VAT1L: variants seen among roughly 807,000 people sequenced by gnomAD.
VAT1L encodes the protein putative NADPH-dependent quinone oxidoreductase VAT1L.
A neutral mutation model predicts 44.1 loss-of-function variants in VAT1L; 34 were observed. The observed-to-expected ratio is 0.77, with a 90% confidence interval of 0.59 to 1.03. VAT1L has a LOEUF of 1.03. Ranked by LOEUF, VAT1L falls within the 50% of genes least tolerant of loss-of-function variation. VAT1L has a pLI of 0.00. For missense variants in VAT1L, 615 were observed against 538.8 expected (o/e 1.14, Z -1.40); for synonymous variants, 253 against 202.2 (o/e 1.25, Z -2.13).
At chr16:77,820,999 G>A (rs2016443637) in intron 2 of VAT1L, among the ~76,000 whole-genome samples, 1 of 152,094 alleles carries the variant, frequency 6.6e-6, no homozygotes, top group African/African-American at 2.4e-5. Flanking sequence ...TTTCCTATGA[G>A]ACTACTGAAA....
In VAT1L at chr16:77,816,842, G is replaced by A. The variant is rs561930098; in HGVS notation, c.234-79G>A. ...GAGGGAGGAAAGGAGGAAAAGAAAA[G>A]AAAGAAAAGAAAACCAGGTCGGTGC... On this transcript the variant is annotated intron_variant, in intron 1 of 8. Coordinates refer to ENST00000302536, the MANE Select transcript of VAT1L (RefSeq NM_020927.3). 204 of 1,476,658 alleles carry A rather than the reference G, an allele frequency of 1.4e-4. 2 individuals carry two copies. The South Asian group carries it at 2.6e-3, about 19-fold the overall frequency. 91.5% of individuals were successfully genotyped at this position (1,476,658 alleles called of 1,614,324 possible).
chr16:77,939,175 T>C (rs1183137750), intron 7 of VAT1L, among the ~76,000 whole-genome samples: 1 of 152,190 alleles, frequency 6.6e-6, no homozygotes, highest in Non-Finnish European at 1.5e-5. Flanking sequence ...CTCTCCAGGC[T>C]AACTCTGGGA....
At chr16:77,969,283 T>C (rs2018254841) in intron 7 of VAT1L, among the ~76,000 whole-genome samples, 1 of 152,178 alleles carries the variant, frequency 6.6e-6, no homozygotes, top group Admixed American at 6.5e-5. Context: ...TCTCTGGGGA[T>C]GCAGCCCAGC....
chr16:77,823,744 T>A (rs1457560515), intron 2 of VAT1L, among the ~76,000 whole-genome samples: 2 of 152,176 alleles, frequency 1.3e-5, no homozygotes, highest in Non-Finnish European at 2.9e-5. Context: ...CTCAGCTGGG[T>A]ACAGTGGCTC....
chr16:77,872,767 G>T (rs1222686178), intron 4 of VAT1L, among the ~76,000 whole-genome samples: 1 of 152,216 alleles, frequency 6.6e-6, no homozygotes, highest in African/African-American at 2.4e-5. Context: ...TTCATTTATA[G>T]ATGTCTGTCC....
At position 77,892,062 on chromosome 16, in the gene VAT1L, A is replaced by ACTCC. The variant is rs2017272271; in HGVS notation, c.1077+7261_1077+7264dup. On this transcript the variant is annotated intron_variant, in intron 7 of 8. Coordinates refer to ENST00000302536, the MANE Select transcript of VAT1L (RefSeq NM_020927.3). The stretch of plus-strand genomic sequence containing the variant: ...ACTCCAGCCTGGGTGACAGAACAAG[A>ACTCC]CTCCGTCTCAAAGAAAAGAGATGAA... Among the ~76,000 whole-genome samples, 4 of 152,020 alleles carry ACTCC rather than the reference A, an allele frequency of 2.6e-5. No individual in the cohort carries two copies. The South Asian group carries it at 8.3e-4, about 32-fold the overall frequency.
chr16:77,788,668 G>C lies in VAT1L; in HGVS notation c.-15G>C. On this transcript the variant is annotated 5_prime_UTR_variant, in exon 1 of 9. Coordinates refer to ENST00000302536, the MANE Select transcript of VAT1L (RefSeq NM_020927.3). Reference sequence around the variant, plus strand: ...GCAGCCACCGCAGCCCGTGCGCCCCGCGCCCTCGAGCGCCATGGCCAAGGA... The same window carrying C: ...GCAGCCACCGCAGCCCGTGCGCCCCCCGCCCTCGAGCGCCATGGCCAAGGA... 1.9e-6 allele frequency: 3 copies of C among 1,547,482 alleles called. No homozygotes were observed. Among genetic ancestry groups the C allele is most frequent in the Non-Finnish European group, 2.6e-6 (3 of 1,145,822 alleles).
intron 7 of VAT1L, among the ~76,000 whole-genome samples, chr16:77,936,453 A>T (rs1323103972): frequency 6.6e-6 from 1 of 152,140 alleles, no homozygotes; most frequent in Non-Finnish European, 1.5e-5. Flanking sequence ...AAAAGCCAAC[A>T]TCAAAGAAAA....
chr16:77,870,211 G>T (rs2017016994), intron 4 of VAT1L, among the ~76,000 whole-genome samples: 1 of 152,198 alleles, frequency 6.6e-6, no homozygotes, highest in Non-Finnish European at 1.5e-5. Context: ...TAGGCATTGT[G>T]TCCAGTCCTC....
intron 7 of VAT1L, among the ~76,000 whole-genome samples, chr16:77,946,293 T>C (rs2017965287): frequency 8.8e-6 from 1 of 114,240 alleles, no homozygotes; most frequent in Non-Finnish European, 1.8e-5. Flanking sequence ...TTTTTTTTTT[T>C]TTTTTTTTGA....
chr16:77,808,934 T>A (rs183096143), intron 1 of VAT1L, among the ~76,000 whole-genome samples: 1 of 152,194 alleles, frequency 6.6e-6, no homozygotes, highest in African/African-American at 2.4e-5. Flanking sequence ...CCATGAGAAT[T>A]TGGAGCCCCT....
intron 1 of VAT1L, among the ~76,000 whole-genome samples, chr16:77,805,602 C>T (rs913439803): frequency 1.3e-5 from 2 of 150,380 alleles, no homozygotes; most frequent in African/African-American, 4.9e-5. Context: ...CTGCTTGCTT[C>T]TGCCCGGAGC....
chr16:77,817,675 A>G (rs780009524), intron 2 of VAT1L, among the ~76,000 whole-genome samples: 8 of 152,230 alleles, frequency 5.3e-5, no homozygotes, highest in Non-Finnish European at 7.3e-5. Flanking sequence ...CTACTTCTGT[A>G]CATGTTCAAA....
chr16:77,935,413 G>A (rs1000816365), intron 7 of VAT1L, among the ~76,000 whole-genome samples: 2 of 151,488 alleles, frequency 1.3e-5, no homozygotes, highest in African/African-American at 4.8e-5. Context: ...TCTTCTTTGG[G>A]CACGAGAATT....
At chr16:77,928,475 C>T (rs1001464795) in intron 7 of VAT1L, among the ~76,000 whole-genome samples, 6 of 152,130 alleles carry the variant, frequency 3.9e-5, no homozygotes, top group Admixed American at 2.0e-4. Context: ...TTTCATAACA[C>T]TATCCTGTGA....
In VAT1L at chr16:77,979,722, A is replaced by G. The variant is rs1017768621; in HGVS notation, c.*2027A>G. 4 of 152,618 alleles carry G rather than the reference A, an allele frequency of 2.6e-5. No homozygotes were observed. The highest frequency in any genetic ancestry group is 5.9e-5 in the Non-Finnish European group (4 of 68,042). The allele number at this position is 152,618 out of a possible 1,614,324, so 9.5% of individuals were successfully genotyped here. A position where few individuals can be genotyped will look rare whatever the true frequency, so the allele number is the denominator to read the frequency against. On this transcript the variant is annotated 3_prime_UTR_variant, in exon 9 of 9. Transcript: ENST00000302536. The stretch of plus-strand genomic sequence containing the variant: ...GGGTTTGGTTTGGTTTTATTTAACT[A>G]GCAAAGTTAATCCAGTAATCGCAAA...
In VAT1L at chr16:77,928,292, A is replaced by C. The variant is rs148769138; in HGVS notation, c.1077+43490A>C. Among the ~76,000 whole-genome samples the C allele has an allele frequency of 2.9e-3, 448 of 152,290 alleles. 6 individuals are homozygous for C. Among genetic ancestry groups the C allele is most frequent in the African/African-American group, 0.01 (426 of 41,566 alleles). On this transcript the variant is annotated intron_variant, in intron 7 of 8. Transcript: ENST00000302536. ...CAAATGTGTGTGTGGAGAATGCTAA[A>C]TGAGAAAAATTACATAATTGCTTAA... is the stretch of plus-strand genomic sequence containing the variant.
intron 7 of VAT1L, among the ~76,000 whole-genome samples, chr16:77,894,103 T>C (rs1256948930): frequency 6.6e-6 from 1 of 152,070 alleles, no homozygotes; most frequent in Non-Finnish European, 1.5e-5. Context: ...GGCTCTCGAG[T>C]CCATGCTATG....
At chr16:77,938,915 G>A (rs533715586) in intron 7 of VAT1L, among the ~76,000 whole-genome samples, 91 of 152,232 alleles carry the variant, frequency 6.0e-4, no homozygotes, top group Non-Finnish European at 1.1e-3. Flanking sequence ...CAGATAAAAG[G>A]GGAAACAGGA....
Sources: allele counts gnomAD v4.1 joint callset (sites outside exome capture counted in the v4.1 genomes callset), GRCh38; gene constraint gnomAD v4.1.1; transcripts MANE v1.5; gene names NCBI Gene and HGNC (gene_info 2026-07-23, HGNC 2026-07-21).